The following PPP2R3A variants were observed in gnomAD, a reference collection of about 807,000 sequenced individuals.
PPP2R3A encodes the protein protein phosphatase 2 regulatory subunit B''alpha.
PPP2R3A carries 80 observed loss-of-function variants against 106.9 expected under a neutral mutation model. The observed-to-expected ratio is 0.75, with a 90% CI of 0.62 to 0.90. PPP2R3A has a LOEUF of 0.90. Among genes scored for constraint, PPP2R3A ranks in the 40% least tolerant of loss-of-function variants. The pLI is 0.00. For missense variants in PPP2R3A, 1,386 were observed against 1,350.4 expected, an observed-to-expected ratio of 1.03 and a Z score of -0.41; for synonymous variants, 483 against 468.3, an observed-to-expected ratio of 1.03 and a Z score of -0.41.
At chr3:136,030,761 C>CATATATATATATATAT (rs374923726) in intron 3 of PPP2R3A, among the ~76,000 whole-genome samples, 1,788 of 99,520 alleles carry the variant, frequency 0.018, 56 homozygotes, top group Non-Finnish European at 0.027. Context: ...TATTCCATCA[C>CATATATATATATATAT]ATATATATAT....
chr3:136,105,759 C>T (rs532708547), intron 12 of PPP2R3A, among the ~76,000 whole-genome samples: 1 of 152,164 alleles, frequency 6.6e-6, no homozygotes, highest in Non-Finnish European at 1.5e-5. Flanking sequence ...GTCAGGAGTT[C>T]GAGACCAGCC....
intron 1 of PPP2R3A, among the ~76,000 whole-genome samples, chr3:135,968,059 C>A: frequency 6.6e-6 from 1 of 152,196 alleles, no homozygotes; most frequent in Non-Finnish European, 1.5e-5. Context: ...GCTGCCTTAA[C>A]ACTAGTGACG....
intron 6 of PPP2R3A, among the ~76,000 whole-genome samples, chr3:136,073,472 CTT>C (rs772968665): frequency 1.6e-4 from 25 of 152,278 alleles, no homozygotes; most frequent in Admixed American, 3.9e-4. Flanking sequence ...TTAAATTTCA[CTT>C]TGTTATTAAC....
intron 2 of PPP2R3A, among the ~76,000 whole-genome samples, chr3:136,009,189 A>G (rs1024709399): frequency 6.6e-6 from 1 of 152,138 alleles, no homozygotes; most frequent in African/African-American, 2.4e-5. Context: ...AGCCAGTGAA[A>G]TGGTGGCTCT....
chr3:136,029,486 A>C (rs1189698751), intron 3 of PPP2R3A, among the ~76,000 whole-genome samples: 1 of 152,158 alleles, frequency 6.6e-6, no homozygotes, highest in Non-Finnish European at 1.5e-5. Context: ...ACAGTGCTCA[A>C]GGGAGGTGTC....
chr3:136,052,081 C>T (rs1191009826), intron 5 of PPP2R3A, among the ~76,000 whole-genome samples: 1 of 152,194 alleles, frequency 6.6e-6, no homozygotes, highest in East Asian at 1.9e-4. Context: ...TAATATCCAA[C>T]ATTAAATATT....
intron 10 of PPP2R3A, among the ~76,000 whole-genome samples, chr3:136,097,640 A>G (rs756073094): frequency 6.6e-4 from 100 of 152,342 alleles, no homozygotes; most frequent in South Asian, 2.9e-3. Flanking sequence ...TCACAGTAAA[A>G]TAAGTTGTCT....
intron 6 of PPP2R3A, among the ~76,000 whole-genome samples, chr3:136,073,210 G>A (rs930897270): frequency 2.0e-5 from 3 of 152,190 alleles, no homozygotes; most frequent in South Asian, 2.1e-4. Context: ...CTCATGATCC[G>A]CCTGCCACGG....
intron 2 of PPP2R3A, among the ~76,000 whole-genome samples, chr3:136,011,145 A>G (rs977035708): frequency 6.6e-6 from 1 of 151,718 alleles, no homozygotes; most frequent in South Asian, 2.1e-4. Context: ...TAAAAATATC[A>G]CTTCACTGAG....
intron 1 of PPP2R3A, among the ~76,000 whole-genome samples, chr3:135,998,739 A>G (rs1186844062): frequency 6.6e-6 from 1 of 152,212 alleles, no homozygotes; most frequent in Non-Finnish European, 1.5e-5. Flanking sequence ...TTCAGCAATA[A>G]CAAATGGCTA....
chr3:136,118,383 C>T (rs746727172), intron 13 of PPP2R3A, among the ~76,000 whole-genome samples: 5 of 152,192 alleles, frequency 3.3e-5, no homozygotes, highest in Admixed American at 6.5e-5. Flanking sequence ...CCAGGGCAAT[C>T]AGGCAACAGA....
chr3:136,131,076 A>G (rs547791773), intron 13 of PPP2R3A, among the ~76,000 whole-genome samples: 3 of 152,216 alleles, frequency 2.0e-5, no homozygotes, highest in African/African-American at 7.2e-5. Context: ...AACCTAGGCA[A>G]TACCATTCAG....
At chr3:136,026,539 A>G (rs750869025) in intron 2 of PPP2R3A, among the ~76,000 whole-genome samples, 1 of 152,196 alleles carries the variant, frequency 6.6e-6, no homozygotes, top group African/African-American at 2.4e-5. Flanking sequence ...TAATATATCA[A>G]CTAACATTGC....
intron 6 of PPP2R3A, among the ~76,000 whole-genome samples, chr3:136,073,597 C>T (rs570325137): frequency 1.3e-4 from 20 of 152,180 alleles, no homozygotes; most frequent in South Asian, 4.2e-4. Context: ...CAAAACAGCA[C>T]CATAACATAA....
chr3:136,074,104 AAT>A (rs1457276894), intron 6 of PPP2R3A, among the ~76,000 whole-genome samples: 2 of 151,938 alleles, frequency 1.3e-5, no homozygotes, highest in Admixed American at 6.5e-5. Context: ...AAGAACAATT[AAT>A]ATGTTTGCAT....
chr3:136,050,720 C>T (rs138572000), intron 5 of PPP2R3A, among the ~76,000 whole-genome samples: 178 of 152,200 alleles, frequency 1.2e-3, no homozygotes, highest in African/African-American at 4.1e-3. Context: ...TTTCCTGACA[C>T]TAAGAGGTCT....
At chr3:135,981,239 G>C (rs542198813) in intron 1 of PPP2R3A, among the ~76,000 whole-genome samples, 1 of 151,780 alleles carries the variant, frequency 6.6e-6, no homozygotes, top group African/African-American at 2.4e-5. Context: ...GGTGTTTCTT[G>C]GTTTGTATGT....
chr3:136,133,430 CAGTGAGATAT>C (rs1395930452), intron 13 of PPP2R3A, among the ~76,000 whole-genome samples: 1 of 152,158 alleles, frequency 6.6e-6, no homozygotes, highest in Non-Finnish European at 1.5e-5. Flanking sequence ...ATTAAAACCT[CAGTGAGATAT>C]ACTACACAGC....
chr3:136,095,750 T>G (rs1209803625), intron 10 of PPP2R3A, among the ~76,000 whole-genome samples: 1 of 152,166 alleles, frequency 6.6e-6, no homozygotes, highest in Non-Finnish European at 1.5e-5. Flanking sequence ...TGATACTTGT[T>G]TCCTTGGTTT....
Sources: allele counts gnomAD v4.1 joint callset (sites outside exome capture counted in the v4.1 genomes callset), GRCh38; gene constraint gnomAD v4.1.1; transcripts MANE v1.5; gene names NCBI Gene and HGNC (gene_info 2026-07-23, HGNC 2026-07-21).